Variants in CTNND2 observed in about 807,000 individuals in gnomAD.
CTNND2 encodes catenin delta 2, also known as catenin delta-2.
CTNND2 carries 22 observed loss-of-function variants against 144.4 expected under a neutral mutation model. The ratio of observed to expected loss-of-function variants is 0.15; its 90% CI spans 0.11 to 0.22. The LOEUF (loss-of-function observed/expected upper bound fraction) is 0.22. Among genes scored for constraint, CTNND2 ranks in the 10% least tolerant of loss-of-function variants. The probability of loss-of-function intolerance (pLI) is 1.00; values close to 1 mark genes in which losing one functional copy is unlikely to be tolerated. For missense variants in CTNND2, 1,353 were observed against 1,618.8 expected (o/e 0.84, Z 2.82); for synonymous variants, 751 against 695.6 (o/e 1.08, Z -1.25).
intron 15 of CTNND2, among the ~76,000 whole-genome samples, chr5:11,092,628 A>G (rs916732780): frequency 6.6e-6 from 1 of 152,178 alleles, no homozygotes; most frequent in African/African-American, 2.4e-5. Context: ...TGAGTGTACC[A>G]TCTCCAGGAC....
intron 7 of CTNND2, among the ~76,000 whole-genome samples, chr5:11,368,056 T>C (rs1339004030): frequency 6.6e-6 from 1 of 152,190 alleles, no homozygotes; most frequent in African/African-American, 2.4e-5. Flanking sequence ...TCATATACAA[T>C]GCGTTTCTGA....
intron 1 of CTNND2, among the ~76,000 whole-genome samples, chr5:11,852,003 A>G (rs1235727872): frequency 6.6e-6 from 1 of 152,098 alleles, no homozygotes; most frequent in Non-Finnish European, 1.5e-5. Flanking sequence ...TTCACCTTCT[A>G]TCTCCTGTTT....
At chr5:11,654,681 C>A (rs1376747772) in intron 2 of CTNND2, among the ~76,000 whole-genome samples, 1 of 151,370 alleles carries the variant, frequency 6.6e-6, no homozygotes, top group Non-Finnish European at 1.5e-5. Context: ...ACATACAGGA[C>A]CATGTCATCT....
chr5:11,578,201 T>C (rs1778111731), intron 2 of CTNND2, among the ~76,000 whole-genome samples: 2 of 152,182 alleles, frequency 1.3e-5, no homozygotes, highest in Non-Finnish European at 2.9e-5. Context: ...GAGGTTACCA[T>C]AGGGCTGACA....
At chr5:11,543,004 A>G (rs1774892651) in intron 3 of CTNND2, among the ~76,000 whole-genome samples, 1 of 152,210 alleles carries the variant, frequency 6.6e-6, no homozygotes, top group African/African-American at 2.4e-5. Flanking sequence ...CATTGGATAA[A>G]CATGTGTGCA....
chr5:11,168,376 TA>T (rs1759562083), intron 11 of CTNND2, among the ~76,000 whole-genome samples: 2 of 152,290 alleles, frequency 1.3e-5, no homozygotes, highest in East Asian at 3.9e-4. Context: ...TAATTGAAAA[TA>T]ATTTGTATGT....
intron 1 of CTNND2, among the ~76,000 whole-genome samples, chr5:11,887,014 C>T (rs1338935033): frequency 2.6e-5 from 3 of 115,070 alleles, no homozygotes; most frequent in Non-Finnish European, 3.3e-5. Context: ...GACAGAGTCT[C>T]GCTCTGTCAC....
intron 2 of CTNND2, among the ~76,000 whole-genome samples, chr5:11,682,074 G>A (rs1172057244): frequency 6.6e-6 from 1 of 152,164 alleles, no homozygotes; most frequent in African/African-American, 2.4e-5. Flanking sequence ...GCAGCAACTG[G>A]CCTATCTGTA....
chr5:11,307,628 C>G (rs1206323021), intron 9 of CTNND2, among the ~76,000 whole-genome samples: 2 of 151,950 alleles, frequency 1.3e-5, no homozygotes, highest in Non-Finnish European at 2.9e-5. Flanking sequence ...AAACAATTTT[C>G]TATAAGAAAA....
At chr5:11,495,067 T>C (rs16901676) in intron 3 of CTNND2, among the ~76,000 whole-genome samples, 2,130 of 152,302 alleles carry the variant, frequency 0.014, 49 homozygotes, top group African/African-American at 0.049. Flanking sequence ...CAATTTGCCT[T>C]AGTGTTTAAA....
intron 1 of CTNND2, among the ~76,000 whole-genome samples, chr5:11,873,981 T>C (rs1318094958): frequency 6.6e-6 from 1 of 152,136 alleles, no homozygotes; most frequent in Non-Finnish European, 1.5e-5. Context: ...ATGGCAGTGA[T>C]GGGGAAATCA....
chr5:11,271,266 T>C (rs922143442), intron 9 of CTNND2, among the ~76,000 whole-genome samples: 5 of 152,210 alleles, frequency 3.3e-5, no homozygotes, highest in Non-Finnish European at 7.3e-5. Context: ...GATCACAACC[T>C]GTAGTTAAAA....
At chr5:11,076,965 A>G (rs1749013493) in intron 16 of CTNND2, among the ~76,000 whole-genome samples, 1 of 152,256 alleles carries the variant, frequency 6.6e-6, no homozygotes, top group South Asian at 2.1e-4. Flanking sequence ...TGCATCTAGT[A>G]AATTTATAGA....
Position 11,247,655 on chromosome 5 carries a change from T to A in CTNND2, c.1629-10832A>T, listed in dbSNP as rs566755394. The stretch of plus-strand genomic sequence containing the variant: ...TCTCTGAATTCAATTTATTAGAAGT[T>A]AGGGGTGAGGAATGATGTAAAATGA... On this transcript the variant is annotated intron_variant, in intron 9 of 21. Transcript: ENST00000304623. Among the ~76,000 whole-genome samples the A allele has an allele frequency of 7.9e-5, 12 of 152,304 alleles. No individual in the cohort carries two copies. The East Asian group carries it at 1.9e-3, about 25-fold the overall frequency.
At chr5:11,197,989 G>A (rs1013245774) in intron 11 of CTNND2, among the ~76,000 whole-genome samples, 6 of 152,150 alleles carry the variant, frequency 3.9e-5, no homozygotes, top group South Asian at 2.1e-4. Context: ...TTCCTTTCTC[G>A]TGGCTTCATG....
intron 6 of CTNND2, among the ~76,000 whole-genome samples, chr5:11,396,419 G>A (rs1760143185): frequency 6.6e-6 from 1 of 151,794 alleles, no homozygotes; most frequent in Non-Finnish European, 1.5e-5. Context: ...TTTTTACCAA[G>A]AGTTGGTTTT....
intron 20 of CTNND2, among the ~76,000 whole-genome samples, chr5:10,985,977 T>C (rs551504126): frequency 6.6e-6 from 1 of 152,312 alleles, no homozygotes; most frequent in South Asian, 2.1e-4. Context: ...GTTGTGATAA[T>C]AACAATCGGC....
intron 1 of CTNND2, among the ~76,000 whole-genome samples, chr5:11,764,030 T>G (rs1294462116): frequency 6.6e-6 from 1 of 152,086 alleles, no homozygotes; most frequent in Non-Finnish European, 1.5e-5. Flanking sequence ...GGCTGTGAGA[T>G]GTGGAGATTA....
intron 2 of CTNND2, among the ~76,000 whole-genome samples, chr5:11,577,019 G>A (rs551134829): frequency 6.6e-6 from 1 of 152,294 alleles, no homozygotes; most frequent in Non-Finnish European, 1.5e-5. Context: ...GAAATGCCGA[G>A]AGCGTGCCAT....
Sources: gnomAD v4.1 joint callset for allele counts (sites outside exome capture counted in the v4.1 genomes callset) on GRCh38, gnomAD v4.1.1 for gene constraint, MANE v1.5 for transcripts, NCBI Gene and HGNC (gene_info 2026-07-23, HGNC 2026-07-21) for gene names.